The following GLDC variants were observed in gnomAD, a reference collection of about 807,000 sequenced individuals.
The protein encoded by GLDC is glycine dehydrogenase (decarboxylating), mitochondrial.
GLDC carries 104 observed loss-of-function variants against 121.3 expected under a neutral mutation model. That is an observed-to-expected ratio of 0.86 (90% CI 0.73 to 1.01). The LOEUF (loss-of-function observed/expected upper bound fraction) is 1.01. Ranked by LOEUF, GLDC falls within the 50% of genes least tolerant of loss-of-function variation. The pLI is 0.00. For missense variants in GLDC, 1,429 were observed against 1,306.6 expected, an observed-to-expected ratio of 1.09 and a Z score of -1.44; for synonymous variants, 546 against 480.6, an observed-to-expected ratio of 1.14 and a Z score of -1.78.
At chr9:6,570,740 G>A (rs1817945345) in intron 15 of GLDC, among the ~76,000 whole-genome samples, 2 of 151,688 alleles carry the variant, frequency 1.3e-5, no homozygotes, top group East Asian at 1.9e-4. Context: ...TGTAATCCTA[G>A]CTACTCAGGA....
intron 2 of GLDC, among the ~76,000 whole-genome samples, chr9:6,623,665 A>C (rs1243067362): frequency 6.6e-6 from 1 of 152,236 alleles, no homozygotes; most frequent in African/African-American, 2.4e-5. Context: ...CAGTAGAGTA[A>C]GGAAAGAGAG....
intron 21 of GLDC, among the ~76,000 whole-genome samples, chr9:6,544,695 C>T (rs1021762572): frequency 8.8e-5 from 13 of 148,446 alleles, no homozygotes; most frequent in African/African-American, 3.0e-4. Context: ...ATAAAGAAAA[C>T]GTTGGGATAC....
rs1042575278 is a variant in GLDC, at chr9:6,645,257, G to C, written c.243C>G (p.Thr81=). The C allele has an allele frequency of 9.9e-5, 158 of 1,599,442 alleles. 1 individual carries two copies. The highest frequency in any genetic ancestry group is 1.3e-4 in the Non-Finnish European group (155 of 1,173,156). Residue 81 remains threonine (T), a synonymous_variant, in exon 1 of 25, where the codon ACC becomes ACG. Transcript: ENST00000321612. ...GDKDQREMLQ[T]LGLASIDELI... ...TGGAGGTCCTTACCGCCAGCCCCAA[G>C]GTCTGCAGCATCTCTCTCTGGTCTT... is the stretch of plus-strand genomic sequence containing the variant.
intron 21 of GLDC, among the ~76,000 whole-genome samples, chr9:6,546,682 C>G (rs576109729): frequency 6.6e-6 from 1 of 151,900 alleles, no homozygotes; most frequent in African/African-American, 2.4e-5. Context: ...ATGATGGGGG[C>G]CAGACGCAGT....
At chr9:6,629,800 T>TA in intron 2 of GLDC, among the ~76,000 whole-genome samples, 1 of 151,362 alleles carries the variant, frequency 6.6e-6, no homozygotes, top group South Asian at 2.1e-4. Context: ...ACAATATTGT[T>TA]ATCATTTATA....
At chr9:6,554,395 C>T (rs1817575851) in intron 19 of GLDC, among the ~76,000 whole-genome samples, 1 of 152,154 alleles carries the variant, frequency 6.6e-6, no homozygotes, top group South Asian at 2.1e-4. Flanking sequence ...GGTGAAGTTC[C>T]CTATTCATTA....
At chr9:6,592,283 T>A in intron 10 of GLDC, 60 bp from the exon 11 acceptor site, 1 of 1,051,180 alleles carries the variant, frequency 9.5e-7, no homozygotes, top group Non-Finnish European at 1.5e-6. Flanking sequence ...ACTGGAGGAA[T>A]CCCAAGAGAG....
intron 2 of GLDC, among the ~76,000 whole-genome samples, chr9:6,624,514 C>A (rs746984187): frequency 6.6e-5 from 10 of 152,288 alleles, no homozygotes; most frequent in Non-Finnish European, 1.5e-4. Context: ...AATGAGCCAA[C>A]CCTGCCAACA....
At chr9:6,556,839 C>G (rs10975641) in intron 17 of GLDC, among the ~76,000 whole-genome samples, 55,198 of 151,602 alleles carry the variant, frequency 0.36, 10,206 homozygotes, top group East Asian at 0.42. Context: ...AAGATCCTTT[C>G]AGGCTAGGTC....
At chr9:6,632,680 G>C (rs752196767) in intron 2 of GLDC, among the ~76,000 whole-genome samples, 1 of 152,198 alleles carries the variant, frequency 6.6e-6, no homozygotes, top group African/African-American at 2.4e-5. Flanking sequence ...CACGCGCCCC[G>C]GTTCAGCCCG....
intron 4 of GLDC, among the ~76,000 whole-genome samples, chr9:6,608,137 G>A (rs1278229743): frequency 1.3e-5 from 2 of 152,006 alleles, no homozygotes; most frequent in Non-Finnish European, 2.9e-5. Flanking sequence ...TTGAGGGCCG[G>A]GCGGGGTGGT....
intron 22 of GLDC, among the ~76,000 whole-genome samples, chr9:6,537,434 C>A (rs1047989310): frequency 6.6e-6 from 1 of 152,158 alleles, no homozygotes; most frequent in African/African-American, 2.4e-5. Flanking sequence ...ACATGGAGTA[C>A]TTTAAAGTAA....
At chr9:6,613,322 C>G (rs965586465) in intron 3 of GLDC, among the ~76,000 whole-genome samples, 8 of 152,128 alleles carry the variant, frequency 5.3e-5, no homozygotes, top group Non-Finnish European at 8.8e-5. Context: ...ACATCATAAT[C>G]TATTTATACT....
intron 2 of GLDC, among the ~76,000 whole-genome samples, chr9:6,629,955 ATAT>A (rs1422764762): frequency 3.0e-4 from 25 of 84,366 alleles, no homozygotes; most frequent in East Asian, 7.3e-4. Flanking sequence ...GTATATATAT[ATAT>A]TTTTTTTTTT....
At chr9:6,622,839 G>C (rs1472963060) in intron 2 of GLDC, 1 of 224,716 alleles carries the variant, frequency 4.5e-6, no homozygotes. Context: ...GAAGTGAGGA[G>C]CGTCTCTGCC....
Position 6,626,617 on chromosome 9 carries a change from G to C in GLDC, c.335-6298C>G, listed in dbSNP as rs72695571. Among the ~76,000 whole-genome samples, 194 of 152,026 alleles carry C rather than the reference G, an allele frequency of 1.3e-3. 1 individual carries two copies. The highest frequency in any genetic ancestry group is 4.4e-3 in the African/African-American group (181 of 41,474). On this transcript the variant is annotated intron_variant, in intron 2 of 24. Transcript: ENST00000321612. Reference sequence around the variant, plus strand: ...TTCAAATGTGAAAATCATCAGAGCTGCTATGGGGGATGGTGATGTCTGAAG... The same window carrying C: ...TTCAAATGTGAAAATCATCAGAGCTCCTATGGGGGATGGTGATGTCTGAAG...
In GLDC at chr9:6,598,265, A is replaced by T. The variant is rs540140561; in HGVS notation, c.1156-3146T>A. 3.9e-4 allele frequency among the ~76,000 whole-genome samples: 59 copies of T among 152,286 alleles called. 1 individual carries two copies. Among genetic ancestry groups the T allele is most frequent in the African/African-American group, 1.4e-3 (58 of 41,560 alleles). ...GGGATGGATTTAAACTGCTGAACTC[A>T]AGTAATCCTCCTGCCTTGGCCTCCT... is the stretch of plus-strand genomic sequence containing the variant. On this transcript the variant is annotated intron_variant, in intron 8 of 24. Coordinates refer to ENST00000321612, the MANE Select transcript of GLDC (RefSeq NM_000170.3).
intron 2 of GLDC, among the ~76,000 whole-genome samples, chr9:6,627,738 AAC>A (rs1439247609): frequency 6.6e-6 from 1 of 152,192 alleles, no homozygotes; most frequent in African/African-American, 2.4e-5. Context: ...TGACTTGATG[AAC>A]AGAGGGGTAA....
At chr9:6,603,945 G>C (rs191004538) in intron 7 of GLDC, among the ~76,000 whole-genome samples, 4 of 151,896 alleles carry the variant, frequency 2.6e-5, no homozygotes, top group South Asian at 2.1e-4. Flanking sequence ...GGCCAGGCTC[G>C]TCTGGGACTC....
Sources: gnomAD v4.1 joint callset for allele counts (sites outside exome capture counted in the v4.1 genomes callset) on GRCh38, gnomAD v4.1.1 for gene constraint, MANE v1.5 for transcripts, NCBI Gene and HGNC (gene_info 2026-07-23, HGNC 2026-07-21) for gene names.